PIK3R5: variants seen among roughly 807,000 people sequenced by gnomAD.
The protein encoded by PIK3R5 is phosphoinositide 3-kinase regulatory subunit 5.
Under a neutral mutation model 94.9 loss-of-function variants are expected in PIK3R5, and 32 were observed. The observed-to-expected ratio is 0.34, with a 90% CI of 0.25 to 0.45. PIK3R5 has a LOEUF of 0.45. PIK3R5 is among the 20% of genes least tolerant of loss of function. The pLI is 1.00. For synonymous variants in PIK3R5, 443 were observed against 479.4 expected (o/e 0.92, Z 0.99); for missense variants, 853 against 1,144.6 (o/e 0.75, Z 3.68).
At chr17:8,960,265 G>C (rs964096135) in intron 1 of PIK3R5, among the ~76,000 whole-genome samples, 7 of 152,210 alleles carry the variant, frequency 4.6e-5, no homozygotes, top group African/African-American at 1.7e-4. Context: ...TATTATGATT[G>C]TTATGATTCT....
In PIK3R5 at chr17:8,935,482, T is replaced by G. The variant is rs141205338; in HGVS notation, c.-13-23975A>C. 4.6e-3 allele frequency among the ~76,000 whole-genome samples: 702 copies of G among 152,272 alleles called. 9 individuals carry two copies. Among genetic ancestry groups the G allele is most frequent in the African/African-American group, 0.016 (646 of 41,558 alleles). ...TGGGCAGGTTGCCTGGGAGACCTGC[T>G]TCCTTCCTTGTTTCCTCTGCCAGAG... On this transcript the variant is annotated intron_variant, in intron 1 of 18. Transcript: ENST00000447110. The surrounding 1 kb of genome is among the most constrained non-coding windows in gnomAD (Gnocchi z 4.5).
chr17:8,908,985 G>T, intron 3 of PIK3R5, 89 bp downstream of exon 3: 1 of 809,436 alleles, frequency 1.2e-6, no homozygotes, highest in Non-Finnish European at 2.0e-6. Flanking sequence ...GGAGGTCCAG[G>T]CACCCAGGAA....
intron 1 of PIK3R5, among the ~76,000 whole-genome samples, chr17:8,959,245 T>G (rs989835546): frequency 2.0e-5 from 3 of 152,198 alleles, no homozygotes; most frequent in African/African-American, 7.2e-5. Flanking sequence ...TACCCCCAGC[T>G]TGCTTCTGAC....
At chr17:8,941,659 C>CCGTG (rs1225341481) in intron 1 of PIK3R5, among the ~76,000 whole-genome samples, 3 of 152,260 alleles carry the variant, frequency 2.0e-5, no homozygotes, top group Non-Finnish European at 4.4e-5. Flanking sequence ...CCACGCGGCA[C>CCGTG]CGTGGCACAG....
intron 1 of PIK3R5, among the ~76,000 whole-genome samples, chr17:8,958,147 C>T (rs2091494640): frequency 6.6e-6 from 1 of 152,062 alleles, no homozygotes; most frequent in Non-Finnish European, 1.5e-5. Context: ...CCCGTCTCTA[C>T]TAAAAATACA....
Position 8,888,153 on chromosome 17 carries a change from C to T in PIK3R5, c.1616+18G>A. 2 of 1,612,576 alleles carry T rather than the reference C, an allele frequency of 1.2e-6. No individual in the cohort carries two copies. Among genetic ancestry groups the T allele is most frequent in the South Asian group, 1.1e-5 (1 of 91,022 alleles). On this transcript the variant is annotated intron_variant, in intron 10 of 18. Transcript: ENST00000447110. The surrounding 1 kb of genome is among the most constrained non-coding windows in gnomAD (Gnocchi z 7.8). ...CTGTTACCCAGGGCAGAGGGATGCT[C>T]CGCATTACGGCTCTTACCGAAGGTT...
At chr17:8,956,933 G>A (rs2091475208) in intron 1 of PIK3R5, among the ~76,000 whole-genome samples, 1 of 152,214 alleles carries the variant, frequency 6.6e-6, no homozygotes, top group African/African-American at 2.4e-5. Flanking sequence ...CAGAGGATGT[G>A]GGCGAGGATC....
intron 3 of PIK3R5, 92 bp from the exon 4 acceptor site, chr17:8,905,829 T>TTA: frequency 2.0e-5 from 13 of 644,170 alleles, no homozygotes; most frequent in East Asian, 1.0e-4. Context: ...ATTCTAGCCT[T>TTA]TCTTTTTTTT....
intron 1 of PIK3R5, among the ~76,000 whole-genome samples, chr17:8,921,209 C>T (rs779304649): frequency 6.6e-6 from 1 of 152,166 alleles, no homozygotes; most frequent in Non-Finnish European, 1.5e-5. Context: ...AATGTAATAA[C>T]TGTGATAACA....
At position 8,935,051 on chromosome 17, in the gene PIK3R5, T is replaced by G. The variant is rs1334186627; in HGVS notation, c.-13-23544A>C. Among the ~76,000 whole-genome samples the G allele has an allele frequency of 1.3e-5, 2 of 152,230 alleles. No individual in the cohort carries two copies. Among genetic ancestry groups the G allele is most frequent in the East Asian group, 3.8e-4 (2 of 5,200 alleles). On this transcript the variant is annotated intron_variant, in intron 1 of 18. Transcript: ENST00000447110. This position sits in a 1 kb window ranked among gnomAD's most constrained non-coding sequence, Gnocchi z 4.5. ...CTGATGTGGATCTTAATATGCATTC[T>G]TCTGTCTTCCATTTCCAGGTCACTT...
rs2091455455 is a variant in PIK3R5 at position 8,955,658 on chromosome 17, G to T, written c.-14+9938C>A. Among the ~76,000 whole-genome samples the T allele has an allele frequency of 6.6e-6, 1 of 152,156 alleles. No homozygotes were observed. The highest frequency in any genetic ancestry group is 6.5e-5 in the Admixed American group (1 of 15,274). ...ATAAAGCCAAATTGGGTAGGAGAGAGAACAATGGGGAAGTGAGAGAAACAA... is the reference window on the plus strand; with the variant it reads ...ATAAAGCCAAATTGGGTAGGAGAGATAACAATGGGGAAGTGAGAGAAACAA... On this transcript the variant is annotated intron_variant, in intron 1 of 18. Coordinates refer to ENST00000447110, the MANE Select transcript of PIK3R5 (RefSeq NM_001142633.3). This position sits in a 1 kb window ranked among gnomAD's most constrained non-coding sequence, Gnocchi z 4.4.
intron 14 of PIK3R5, among the ~76,000 whole-genome samples, chr17:8,885,942 C>T (rs1331957272): frequency 6.6e-6 from 1 of 151,148 alleles, no homozygotes; most frequent in Non-Finnish European, 1.5e-5. Flanking sequence ...TCCCCATGGC[C>T]CTGCCTCCTA....
chr17:8,886,159 C>G, intron 14 of PIK3R5, 70 bp downstream of exon 14: 1 of 1,214,386 alleles, frequency 8.2e-7, no homozygotes, highest in African/African-American at 1.5e-5. Flanking sequence ...GTAACCCCAC[C>G]TCCACAGAGC....
rs1384076133 is a variant in PIK3R5 at position 8,880,301 on chromosome 17, C to T, written c.*338G>A. The T allele has an allele frequency of 2.8e-5, 6 of 215,530 alleles. No individual in the cohort carries two copies. The Admixed American group carries it at 2.8e-4, about 10-fold the overall frequency. 13.4% of individuals were successfully genotyped at this position (215,530 alleles called of 1,614,324 possible). On this transcript the variant is annotated 3_prime_UTR_variant, in exon 19 of 19. Coordinates refer to ENST00000447110, the MANE Select transcript of PIK3R5 (RefSeq NM_001142633.3). ...TTGAGAGAAAAGGCCCAAGCCATCC[C>T]CCTGAGCACCAGAGCCTCAGATCTT...
Position 8,882,147 on chromosome 17 carries a change from T to C in PIK3R5, c.2206-266A>G. The C allele has an allele frequency of 2.1e-6, 1 of 479,050 alleles. No individual in the cohort carries two copies. Among genetic ancestry groups the C allele is most frequent in the Non-Finnish European group, 3.8e-6 (1 of 263,384 alleles). The allele number at this position is 479,050 out of a possible 1,614,324, so 29.7% of individuals were successfully genotyped here. On this transcript the variant is annotated intron_variant, in intron 15 of 18. Transcript: ENST00000447110. This position sits in a 1 kb window ranked among gnomAD's most constrained non-coding sequence, Gnocchi z 4.1. ...GAGCTGAGAGCACCTGCAGGGGTGG[T>C]CCTGAAGCTCTCCTGCCGGGCCCAG...
chr17:8,906,689 C>A (rs182779843), intron 3 of PIK3R5, among the ~76,000 whole-genome samples: 1 of 152,192 alleles, frequency 6.6e-6, no homozygotes, highest in African/African-American at 2.4e-5. Context: ...TCGAGACCAG[C>A]CTGACCAACA....
intron 1 of PIK3R5, among the ~76,000 whole-genome samples, chr17:8,942,779 G>A (rs549770275): frequency 4.5e-4 from 69 of 152,008 alleles, no homozygotes; most frequent in Non-Finnish European, 9.0e-4. Context: ...CTAATTTTTT[G>A]TATTTTTTAG....
At chr17:8,952,202 C>A (rs72807988) in intron 1 of PIK3R5, among the ~76,000 whole-genome samples, 9,395 of 152,290 alleles carry the variant, frequency 0.062, 328 homozygotes, top group Non-Finnish European at 0.067. Context: ...CAGAAATAAA[C>A]CTCTATCTTG....
chr17:8,893,878 A>C lies in PIK3R5; in HGVS notation c.413-223T>G. On this transcript the variant is annotated intron_variant, in intron 5 of 18. Coordinates refer to ENST00000447110, the MANE Select transcript of PIK3R5 (RefSeq NM_001142633.3). The surrounding 1 kb of genome is among the most constrained non-coding windows in gnomAD (Gnocchi z 5.1). ...AGTCATATCCCCACCTCCACCTCCA[A>C]CACCAAAACTCGGTCCTGGGCCTCG... The C allele has an allele frequency of 2.4e-6, 1 of 422,830 alleles. No homozygotes were observed. The highest frequency in any genetic ancestry group is 4.3e-6 in the Non-Finnish European group (1 of 230,858). The allele number at this position is 422,830 out of a possible 1,614,324, so 26.2% of individuals were successfully genotyped here. A position where few individuals can be genotyped will look rare whatever the true frequency, so the allele number is the denominator to read the frequency against.
Sources: gnomAD v4.1 joint callset for allele counts (sites outside exome capture counted in the v4.1 genomes callset) on GRCh38, gnomAD v4.1.1 for gene constraint, Gnocchi (gnomAD v3.1) non-coding constraint, MANE v1.5 for transcripts, NCBI Gene and HGNC (gene_info 2026-07-23, HGNC 2026-07-21) for gene names.